AFTPH: variants seen among roughly 807,000 people sequenced by gnomAD.
AFTPH encodes the protein aftiphilin, also known as aftiphilin protein.
Under a neutral mutation model 72.5 loss-of-function variants are expected in AFTPH, and 7 were observed. The observed-to-expected ratio is 0.10, with a 90% CI of 0.05 to 0.18. The LOEUF (loss-of-function observed/expected upper bound fraction) is 0.18, where lower values mean the gene tolerates loss of function less well. Ranked by LOEUF, AFTPH falls within the 10% of genes least tolerant of loss-of-function variation. The pLI, the probability that AFTPH is intolerant of heterozygous loss-of-function variation, is 1.00. For synonymous variants in AFTPH, 337 were observed against 370.1 expected, an observed-to-expected ratio of 0.91 and a Z score of 1.03; for missense variants, 979 against 1,060.5, an observed-to-expected ratio of 0.92 and a Z score of 1.07.
chr2:64,586,445 A>C (rs1406884995), intron 8 of AFTPH, among the ~76,000 whole-genome samples: 1 of 152,272 alleles, frequency 6.6e-6, no homozygotes, highest in East Asian at 1.9e-4. Context: ...ATTCTTCTAT[A>C]GAAAGACATC....
At chr2:64,530,216 C>T (rs920352823) in intron 1 of AFTPH, among the ~76,000 whole-genome samples, 2 of 152,128 alleles carry the variant, frequency 1.3e-5, no homozygotes, top group African/African-American at 4.8e-5. Flanking sequence ...TGCATATTTT[C>T]CTACACATTT....
chr2:64,543,397 C>A (rs964060802), intron 1 of AFTPH, among the ~76,000 whole-genome samples: 3 of 152,166 alleles, frequency 2.0e-5, no homozygotes, highest in Non-Finnish European at 4.4e-5. Flanking sequence ...TCCAATATAT[C>A]AATCTTTTCT....
chr2:64,581,176 C>G lies in AFTPH; in HGVS notation c.2455+1630C>G. On this transcript the variant is annotated intron_variant, in intron 7 of 8. Transcript: ENST00000238856. ...CTGTGTGGCTGCCTACCAACACGGT[C>G]ACTGAATTTCAAGCTAGTGGAGGTT... is the stretch of plus-strand genomic sequence containing the variant. 1 of 1,579,862 alleles carries G rather than the reference C, an allele frequency of 6.3e-7. No individual in the cohort carries two copies. Among genetic ancestry groups the G allele is most frequent in the Non-Finnish European group, 8.6e-7 (1 of 1,162,326 alleles).
intron 1 of AFTPH, among the ~76,000 whole-genome samples, chr2:64,545,161 G>C (rs1357531826): frequency 1.3e-5 from 2 of 151,882 alleles, no homozygotes; most frequent in Non-Finnish European, 2.9e-5. Context: ...TCACAGATTA[G>C]GCTAGGAAAA....
rs546304437 is a variant in AFTPH, at chr2:64,569,562, A to G, written c.2215-61A>G. On this transcript the variant is annotated intron_variant, in intron 4 of 8. Transcript: ENST00000238856. The stretch of plus-strand genomic sequence containing the variant: ...CACATCTCAAGCATATTTGGAAACT[A>G]TTTCATTGTATGATAGATTATTCTC... 1.3e-4 allele frequency: 202 copies of G among 1,547,870 alleles called. No individual in the cohort carries two copies. In the Middle Eastern group the frequency reaches 2.4e-3, roughly 18 times the overall value.
chr2:64,542,699 A>G (rs1670329627), intron 1 of AFTPH, among the ~76,000 whole-genome samples: 1 of 151,954 alleles, frequency 6.6e-6, no homozygotes, highest in African/African-American at 2.4e-5. Flanking sequence ...GATTGGTTAG[A>G]AAAACTGGCA....
intron 2 of AFTPH, among the ~76,000 whole-genome samples, chr2:64,557,502 G>C (rs1377084934): frequency 6.6e-6 from 1 of 152,172 alleles, no homozygotes; most frequent in African/African-American, 2.4e-5. Context: ...TTGTTTTTGA[G>C]ACGGAATCTT....
chr2:64,524,549 C>T (rs943900016), exon 1 of AFTPH: 2 of 398,990 alleles, frequency 5.0e-6, no homozygotes, highest in African/African-American at 2.1e-5. Context: ...GGTCCTTCCC[C>T]GGGGAGTCAG....
intron 8 of AFTPH, among the ~76,000 whole-genome samples, chr2:64,591,035 C>CT (rs1354763852): frequency 6.6e-6 from 1 of 152,160 alleles, no homozygotes; most frequent in East Asian, 1.9e-4. Flanking sequence ...ATATGTATAA[C>CT]TACTCCTTTA....
At position 64,542,892 on chromosome 2, in the gene AFTPH, A is replaced by G. The variant is rs141996015; in HGVS notation, c.-32-8551A>G. Among the ~76,000 whole-genome samples the G allele has an allele frequency of 5.3e-3, 801 of 152,348 alleles. 8 individuals carry two copies. Among genetic ancestry groups the G allele is most frequent in the African/African-American group, 0.018 (752 of 41,578 alleles). On this transcript the variant is annotated intron_variant, in intron 1 of 8. Coordinates refer to ENST00000238856, the Ensembl canonical transcript of AFTPH. ...CCACAGAGTTGGTGAAAGTTAAAAT[A>G]TAATGGTAGTTGATCATTTACTTAG...
chr2:64,589,557 A>G (rs962919999), intron 8 of AFTPH, among the ~76,000 whole-genome samples: 3 of 152,024 alleles, frequency 2.0e-5, no homozygotes, highest in East Asian at 3.9e-4. Context: ...CCCATGCACA[A>G]TGACCACAGA....
At chr2:64,576,606 T>G (rs1672818479) in intron 6 of AFTPH, among the ~76,000 whole-genome samples, 1 of 152,184 alleles carries the variant, frequency 6.6e-6, no homozygotes. Flanking sequence ...ACTTTACACT[T>G]TATTCATTGC....
At chr2:64,567,343 T>TTAA (rs1672147587) in intron 2 of AFTPH, among the ~76,000 whole-genome samples, 2 of 152,246 alleles carry the variant, frequency 1.3e-5, no homozygotes, top group Non-Finnish European at 2.9e-5. Context: ...CATGTTGCTT[T>TTAA]TAATTGCCAG....
intron 3 of AFTPH, among the ~76,000 whole-genome samples, chr2:64,568,864 G>A (rs374052610): frequency 6.6e-6 from 1 of 152,078 alleles, no homozygotes; most frequent in East Asian, 1.9e-4. Context: ...CGCCTGCCTC[G>A]GCCTCCCAAA....
exon 7 of AFTPH, chr2:64,579,529 T>A: frequency 6.2e-7 from 1 of 1,613,828 alleles, no homozygotes; most frequent in Non-Finnish European, 8.5e-7. Context: ...AGCAGTGGCC[T>A]TACTAACCCT....
chr2:64,567,242 C>T (rs1295841921), intron 2 of AFTPH, among the ~76,000 whole-genome samples: 1 of 152,114 alleles, frequency 6.6e-6, no homozygotes, highest in Non-Finnish European at 1.5e-5. Flanking sequence ...ATTGAGATTG[C>T]TTTCTCACTG....
chr2:64,531,576 A>T (rs1669634883), intron 1 of AFTPH, among the ~76,000 whole-genome samples: 1 of 150,078 alleles, frequency 6.7e-6, no homozygotes, highest in Non-Finnish European at 1.5e-5. Context: ...ATTTAAGTAT[A>T]AAAAAATACA....
chr2:64,581,398 C>A (rs1673188205), intron 7 of AFTPH, 125 bp downstream of exon 8: 1 of 730,854 alleles, frequency 1.4e-6, no homozygotes, highest in Non-Finnish European at 2.1e-6. Flanking sequence ...TAATACTTTT[C>A]TTTCATCTGT....
rs75074408 is a variant in AFTPH, at chr2:64,591,675, C to T, written c.2580-210C>T. Among the ~76,000 whole-genome samples, 1,400 of 152,226 alleles carry T rather than the reference C, an allele frequency of 9.2e-3. 28 individuals are homozygous for T. The highest frequency in any genetic ancestry group is 0.032 in the African/African-American group (1,310 of 41,524). ...TGTGTGCATGCCTAGCTTTAATGAA[C>T]ATAAATAGGCCGCACGTCACTCTTC... On this transcript the variant is annotated intron_variant, in intron 8 of 8. Transcript: ENST00000238856.
Sources: allele counts gnomAD v4.1 joint callset (sites outside exome capture counted in the v4.1 genomes callset), GRCh38; gene constraint gnomAD v4.1.1; transcripts MANE v1.5; gene names NCBI Gene and HGNC (gene_info 2026-07-23, HGNC 2026-07-21).